The following PAPLN variants were observed in gnomAD, a reference collection of about 807,000 sequenced individuals.
The protein encoded by PAPLN is papilin.
A neutral mutation model predicts 159.0 loss-of-function variants in PAPLN; 146 were observed. The ratio of observed to expected loss-of-function variants is 0.92; its 90% CI spans 0.80 to 1.05. The LOEUF (loss-of-function observed/expected upper bound fraction) is 1.05, where lower values mean the gene tolerates loss of function less well. PAPLN is among the 50% of genes least tolerant of loss of function. PAPLN has a pLI of 0.00. For synonymous variants in PAPLN, 734 were observed against 702.9 expected, an observed-to-expected ratio of 1.04 and a Z score of -0.70; for missense variants, 1,720 against 1,743.9, an observed-to-expected ratio of 0.99 and a Z score of 0.24.
At chr14:73,248,302 C>T (rs1044215507) in intron 5 of PAPLN, among the ~76,000 whole-genome samples, 6 of 150,672 alleles carry the variant, frequency 4.0e-5, no homozygotes, top group Admixed American at 1.3e-4. Context: ...TGGGCGTGAC[C>T]CAGTGGGACT....
chr14:73,268,634 G>A lies in PAPLN; in HGVS notation c.3578G>A (p.Arg1193Gln), dbSNP rs149824595. ...PDGTLLIYNL[R>Q]ARDEGSYTCS... ...GGCACGCTGCTCATTTACAACTTGC[G>A]GGCCAGGGATGAGGGCTCCTACACG... The change falls in exon 26 of 27, where the codon CGG (arginine) becomes CAG (glutamine). Residue 1193 changes from arginine (R) to glutamine (Q), a missense_variant. Arg to Gln is a conservative substitution (Grantham distance 43, BLOSUM62 1). Coordinates refer to ENST00000644200, the MANE Select transcript of PAPLN (RefSeq NM_001365906.3). 999 of 1,614,012 alleles carry A rather than the reference G, an allele frequency of 6.2e-4. 5 individuals carry two copies. Among genetic ancestry groups the A allele is most frequent in the Middle Eastern group, 1.2e-3 (7 of 6,062 alleles).
At chr14:73,235,918 T>C, upstream of PAPLN, among the ~76,000 whole-genome samples, 1 of 152,258 alleles carries the variant, frequency 6.6e-6, no homozygotes, top group East Asian at 1.9e-4. Flanking sequence ...ATAAGCATTT[T>C]GTCCAAACAG....
Position 73,265,584 on chromosome 14 carries a change from G to A in PAPLN, c.3263+77G>A. The A allele has an allele frequency of 6.4e-7, 1 of 1,564,308 alleles. No homozygotes were observed. Among genetic ancestry groups the A allele is most frequent in the Non-Finnish European group, 8.7e-7 (1 of 1,152,814 alleles). On this transcript the variant is annotated intron_variant, in intron 23 of 26. Coordinates refer to ENST00000644200, the MANE Select transcript of PAPLN (RefSeq NM_001365906.3). The surrounding 1 kb of genome is among the most constrained non-coding windows in gnomAD (Gnocchi z 4.1). ...ATCCTATGGAGGCCACCGGGGAAGG[G>A]AGCTGCTAGCGCATGGTCATGGCCA...
chr14:73,251,513 T>A lies in PAPLN; in HGVS notation c.617T>A (p.Met206Lys), dbSNP rs763283352. ...TACAACCAGATCCTCATAGTTCCCA[T>A]GGGTGCCACCAGCATCCTCATCGAC... ...RGYNQILIVP[M>K]GATSILIDEA... The change falls in exon 8 of 27, where the codon ATG (methionine) becomes AAG (lysine). Residue 206 changes from methionine (M) to lysine (K), a missense_variant. By Grantham distance (95) the Met-to-Lys change is moderately conservative. Coordinates refer to ENST00000644200, the MANE Select transcript of PAPLN (RefSeq NM_001365906.3). The A allele has an allele frequency of 6.2e-7, 1 of 1,610,244 alleles. No homozygotes were observed. The highest frequency in any genetic ancestry group is 8.5e-7 in the Non-Finnish European group (1 of 1,179,826).
intron 2 of PAPLN, among the ~76,000 whole-genome samples, chr14:73,241,648 G>A (rs951195252): frequency 6.6e-6 from 1 of 152,232 alleles, no homozygotes; most frequent in African/African-American, 2.4e-5. Context: ...CCCTCTGTGA[G>A]TCTGCAGGGG....
At chr14:73,252,524 G>T in intron 10 of PAPLN, 125 bp from the exon 11 acceptor site, 2 of 1,272,026 alleles carry the variant, frequency 1.6e-6, no homozygotes, top group Middle Eastern at 2.6e-4. Context: ...CACCTGCCTC[G>T]GGGGGGTCAT....
chr14:73,254,190 C>T (rs924760168), intron 12 of PAPLN, among the ~76,000 whole-genome samples: 2 of 152,160 alleles, frequency 1.3e-5, no homozygotes, highest in Non-Finnish European at 2.9e-5. Context: ...AAGGCCTGGG[C>T]AGGAAGAAGC....
chr14:73,259,412 C>A lies in PAPLN; in HGVS notation c.1852C>A (p.Gln618Lys), dbSNP rs1886305017. 1 of 1,613,144 alleles carries A rather than the reference C, an allele frequency of 6.2e-7. No homozygotes were observed. The highest frequency in any genetic ancestry group is 8.5e-7 in the Non-Finnish European group (1 of 1,179,726). Residue 618 changes from glutamine (Q) to lysine (K), a missense_variant, in exon 16 of 27, where the codon CAG (glutamine) becomes AAG (lysine). Coordinates refer to ENST00000644200, the MANE Select transcript of PAPLN (RefSeq NM_001365906.3). ...TCCCTCTCTGCAGCAGCCCCCATAC[C>A]AGCAACCCCTGCGGTCGGGCTCAGG... The part of the protein sequence containing the change: ...PAPSLQQPPY[Q>K]QPLRSGSGPH...
intron 5 of PAPLN, among the ~76,000 whole-genome samples, chr14:73,247,161 G>A (rs1020154993): frequency 1.3e-5 from 2 of 152,210 alleles, no homozygotes; most frequent in African/African-American, 4.8e-5. Context: ...CATCCTGCAG[G>A]AGGGGCTGGA....
rs886419422 is a variant in PAPLN at position 73,252,516 on chromosome 14, C to T, written c.968-133C>T. Reference sequence around the variant, plus strand: ...TCTGCCAATTGGAGATGTGGTGGCACCTGCCTCGGGGGGGTCATCTAAGAC... The same window carrying T: ...TCTGCCAATTGGAGATGTGGTGGCATCTGCCTCGGGGGGGTCATCTAAGAC... On this transcript the variant is annotated intron_variant, in intron 10 of 26. Transcript: ENST00000644200. The T allele has an allele frequency of 8.1e-6, 10 of 1,241,868 alleles. No individual in the cohort carries two copies. In the East Asian group the frequency reaches 1.6e-4, roughly 20 times the overall value. 76.9% of individuals were successfully genotyped at this position (1,241,868 alleles called of 1,614,324 possible).
Position 73,244,737 on chromosome 14 carries a change from G to T in PAPLN, c.148G>T (p.Glu50Ter). ...CTGTGGAGGGGGTGTCAGCTTCCGG[G>T]AGCGCCCCTGCTACTCCCAGAGGTA... is the stretch of plus-strand genomic sequence containing the variant. ...RTCGGGVSFRERPCYSQRRDG... is the reference protein window; with the variant it reads ...RTCGGGVSFR Residue 50 changes from glutamate to a stop codon, truncating the protein, a stop_gained, in exon 3 of 27, where the codon GAG (glutamate) becomes TAG (stop). Transcript: ENST00000644200. LOFTEE classifies it high-confidence loss of function. 1 of 1,577,238 alleles carries T rather than the reference G, an allele frequency of 6.3e-7. No homozygotes were observed. Among genetic ancestry groups the T allele is most frequent in the Middle Eastern group, 1.7e-4 (1 of 5,968 alleles).
chr14:73,265,258 TG>T lies in PAPLN; in HGVS notation c.3126-111del, dbSNP rs1249321685. 1 of 1,484,552 alleles carries T rather than the reference TG, an allele frequency of 6.7e-7. No homozygotes were observed. Among genetic ancestry groups the T allele is most frequent in the Non-Finnish European group, 9.0e-7 (1 of 1,116,022 alleles). The allele number at this position is 1,484,552 out of a possible 1,614,324, so 92.0% of individuals were successfully genotyped here. On this transcript the variant is annotated intron_variant, in intron 22 of 26. Coordinates refer to ENST00000644200, the MANE Select transcript of PAPLN (RefSeq NM_001365906.3). The surrounding 1 kb of genome is among the most constrained non-coding windows in gnomAD (Gnocchi z 4.1). ...AACAAGGCAGGGGATTTTAGGAAGC[TG>T]AATCTGGCTGGAGAGGGAGAAGGGG...
chr14:73,242,484 G>A (rs116826539), intron 2 of PAPLN, among the ~76,000 whole-genome samples: 2,169 of 152,298 alleles, frequency 0.014, 52 homozygotes, highest in African/African-American at 0.048. Flanking sequence ...AGCTAAGAAA[G>A]CAGCCACCCC....
At chr14:73,266,957 A>AG in intron 25 of PAPLN, 126 bp downstream of exon 25, 1 of 890,790 alleles carries the variant, frequency 1.1e-6, no homozygotes, top group Non-Finnish European at 1.8e-6. Context: ...GCCTGGTGCC[A>AG]GGGGAGAGGG....
chr14:73,263,975 G>A, intron 20 of PAPLN, 193 bp downstream of exon 20: 4 of 1,415,096 alleles, frequency 2.8e-6, no homozygotes, highest in Non-Finnish European at 3.8e-6. Context: ...TCCTCTGACA[G>A]GTGTGTGTGA....
rs112145312 is a variant in PAPLN, at chr14:73,257,135, C to G, written c.1628-1844C>G. ...CACAGGTGCAGGCCACCATGCCCAG[C>G]TAATTTTTTGATTTTTTGTTGAGAT... On this transcript the variant is annotated intron_variant, in intron 14 of 26. Transcript: ENST00000644200. Among the ~76,000 whole-genome samples the G allele has an allele frequency of 6.1e-4, 93 of 152,090 alleles. 1 individual carries two copies. Among genetic ancestry groups the G allele is most frequent in the Non-Finnish European group, 5.4e-4 (37 of 68,022 alleles).
intron 5 of PAPLN, among the ~76,000 whole-genome samples, chr14:73,249,080 T>C (rs1195340501): frequency 6.6e-6 from 1 of 152,150 alleles, no homozygotes; most frequent in Non-Finnish European, 1.5e-5. Flanking sequence ...GCTGTGAGCT[T>C]TGATCGTGCC....
rs961378385 is a variant in PAPLN, at chr14:73,272,666, G to A, written c.*2G>A. ...CACGCTCAGCCCATCTGGCAGTAGG[G>A]ATGAAGGCTAGTTCCAGCCCCAGTC... On this transcript the variant is annotated 3_prime_UTR_variant, in exon 27 of 27. Transcript: ENST00000644200. 1.9e-6 allele frequency: 3 copies of A among 1,564,780 alleles called. No homozygotes were observed. Among genetic ancestry groups the A allele is most frequent in the African/African-American group, 2.7e-5 (2 of 74,110 alleles).
rs1884126895 is a variant in PAPLN at position 73,245,501 on chromosome 14, G to A, written c.171-135G>A. On this transcript the variant is annotated intron_variant, in intron 3 of 26. Coordinates refer to ENST00000644200, the MANE Select transcript of PAPLN (RefSeq NM_001365906.3). This position sits in a 1 kb window ranked among gnomAD's most constrained non-coding sequence, Gnocchi z 4.2. ...CTCCCACCTGGGGGATTTACGGGGT[G>A]GGGTCGGGGGACACCCTCTCACCTT... The A allele has an allele frequency of 1.1e-6, 1 of 921,780 alleles. No individual in the cohort carries two copies. The highest frequency in any genetic ancestry group is 1.6e-6 in the Non-Finnish European group (1 of 621,358). 57.1% of individuals were successfully genotyped at this position (921,780 alleles called of 1,614,324 possible). A position where few individuals can be genotyped will look rare whatever the true frequency, so the allele number is the denominator to read the frequency against.
Sources: gnomAD v4.1 joint callset for allele counts (sites outside exome capture counted in the v4.1 genomes callset) on GRCh38, gnomAD v4.1.1 for gene constraint, Gnocchi (gnomAD v3.1) non-coding constraint, MANE v1.5 for transcripts, NCBI Gene and HGNC (gene_info 2026-07-23, HGNC 2026-07-21) for gene names.